The following APBA2 variants were observed in gnomAD, a reference collection of about 807,000 sequenced individuals.
The protein encoded by APBA2 is amyloid-beta A4 precursor protein-binding family A member 2.
In APBA2, 30 loss-of-function variants were observed where a neutral mutation model predicts 75.0. The ratio of observed to expected loss-of-function variants is 0.40; its 90% CI spans 0.30 to 0.54. The LOEUF is 0.54. Among genes scored for constraint, APBA2 ranks in the 20% least tolerant of loss-of-function variants. The pLI, the probability that APBA2 is intolerant of heterozygous loss-of-function variation, is 0.49. For missense variants in APBA2, 801 were observed against 1,016.1 expected, an observed-to-expected ratio of 0.79 and a Z score of 2.88; for synonymous variants, 444 against 409.6, an observed-to-expected ratio of 1.08 and a Z score of -1.01.
At chr15:29,032,368 C>T (rs950814793) in intron 3 of APBA2, among the ~76,000 whole-genome samples, 1 of 152,212 alleles carries the variant, frequency 6.6e-6, no homozygotes, top group Admixed American at 6.5e-5. Context: ...AGACCAAAGG[C>T]TGAGGTTCCC....
intron 3 of APBA2, among the ~76,000 whole-genome samples, chr15:29,039,100 TGTGTG>T (rs2040895948): frequency 3.8e-5 from 1 of 25,996 alleles, no homozygotes; most frequent in African/African-American, 4.6e-4. Context: ...TATGTCAGGG[TGTGTG>T]TGTGTGTGTG....
intron 6 of APBA2, among the ~76,000 whole-genome samples, chr15:29,089,266 C>A (rs2043439271): frequency 6.6e-6 from 1 of 152,212 alleles, no homozygotes; most frequent in Non-Finnish European, 1.5e-5. Context: ...CCACGTGACC[C>A]ACTTAGATGG....
chr15:29,054,453 A>G lies in APBA2; in HGVS notation c.569A>G (p.Lys190Arg). Residue 190 changes from lysine to arginine, a missense_variant, in exon 4 of 15, where the codon AAA (lysine) becomes AGA (arginine). By Grantham distance (26) the Lys-to-Arg change is conservative. This residue lies in a region of APBA2 where 434 missense variants were observed against 471.6 expected (regional missense o/e 0.92). Transcript: ENST00000683413. This position sits in a 1 kb window ranked among gnomAD's most constrained non-coding sequence, Gnocchi z 6.1. ...GAAGATGGTCACTACTGTGCCAGCA[A>G]AGAGGGCTACCAGGACTACTACCCC... ...QEEDGHYCAS[K>R]EGYQDYYPEE... is the part of the protein sequence containing the mutation. The G allele has an allele frequency of 6.2e-7, 1 of 1,614,136 alleles. No homozygotes were observed. The highest frequency in any genetic ancestry group is 8.5e-7 in the Non-Finnish European group (1 of 1,180,024).
chr15:29,010,324 T>A (rs1325684060), intron 3 of APBA2, among the ~76,000 whole-genome samples: 1 of 152,194 alleles, frequency 6.6e-6, no homozygotes, highest in Non-Finnish European at 1.5e-5. Flanking sequence ...AGTGGTGCGA[T>A]CTCAGCTCAC....
intron 2 of APBA2, among the ~76,000 whole-genome samples, chr15:28,974,333 C>T (rs935902799): frequency 1.8e-4 from 27 of 152,180 alleles, no homozygotes; most frequent in East Asian, 1.7e-3. Flanking sequence ...AGAACCTCTA[C>T]GATGCGGAAA....
At chr15:28,999,146 CA>C (rs35437952) in intron 3 of APBA2, among the ~76,000 whole-genome samples, 3 of 99,430 alleles carry the variant, frequency 3.0e-5, no homozygotes, top group Non-Finnish European at 4.1e-5. Flanking sequence ...GACTCCATCT[CA>C]AAAAAAAAGA....
rs879725995 is a variant in APBA2, at chr15:29,117,984, C to T, written c.*851C>T. 5 of 152,534 alleles carry T rather than the reference C, an allele frequency of 3.3e-5. No individual in the cohort carries two copies. Among genetic ancestry groups the T allele is most frequent in the Non-Finnish European group, 5.9e-5 (4 of 68,132 alleles). The allele number at this position is 152,534 out of a possible 1,614,324, so 9.4% of individuals were successfully genotyped here. A position where few individuals can be genotyped will look rare whatever the true frequency, so the allele number is the denominator to read the frequency against. On this transcript the variant is annotated 3_prime_UTR_variant, in exon 15 of 15. Transcript: ENST00000683413. ...GAAACGAAACCCACTCTAGAAAACG[C>T]GACCTTGGCCGCACCTAAAGCAGCC...
At chr15:29,008,932 C>T (rs1471684198) in intron 3 of APBA2, among the ~76,000 whole-genome samples, 6 of 152,120 alleles carry the variant, frequency 3.9e-5, no homozygotes, top group African/African-American at 1.4e-4. Flanking sequence ...GGAAGCTGTT[C>T]TCTAGTGTGA....
intron 6 of APBA2, among the ~76,000 whole-genome samples, chr15:29,092,392 C>T (rs1249577757): frequency 6.6e-6 from 1 of 152,134 alleles, no homozygotes; most frequent in African/African-American, 2.4e-5. Flanking sequence ...AAATTACATA[C>T]AAGAAATGGG....
chr15:29,069,159 G>T (rs1177646835), intron 4 of APBA2, among the ~76,000 whole-genome samples: 2 of 152,138 alleles, frequency 1.3e-5, no homozygotes, highest in Non-Finnish European at 2.9e-5. Flanking sequence ...TGTTTTCAGG[G>T]TTCATCCCTG....
intron 1 of APBA2, among the ~76,000 whole-genome samples, chr15:28,886,732 C>T (rs1485121838): frequency 6.6e-6 from 1 of 152,300 alleles, no homozygotes; most frequent in Non-Finnish European, 1.5e-5. Context: ...CCCAGAGAAC[C>T]CAAGCCCAGA....
intron 4 of APBA2, chr15:29,070,829 TC>T (rs1187666939): frequency 3.4e-6 from 1 of 293,664 alleles, no homozygotes; most frequent in East Asian, 9.6e-5. Context: ...TGTTGAAATA[TC>T]AGATGAGTAG....
chr15:28,922,742 C>T (rs2034041160), intron 2 of APBA2, among the ~76,000 whole-genome samples: 1 of 152,218 alleles, frequency 6.6e-6, no homozygotes, highest in African/African-American at 2.4e-5. Flanking sequence ...CACACCCTCT[C>T]TCAGGAGACA....
intron 3 of APBA2, among the ~76,000 whole-genome samples, chr15:28,996,232 G>A (rs1378035137): frequency 2.6e-5 from 4 of 152,136 alleles, no homozygotes; most frequent in Admixed American, 2.6e-4. Context: ...GGTAGCACTC[G>A]AACCTTTCAC....
intron 8 of APBA2, among the ~76,000 whole-genome samples, chr15:29,095,471 G>A (rs1258577131): frequency 6.6e-6 from 1 of 152,180 alleles, no homozygotes; most frequent in Non-Finnish European, 1.5e-5. Context: ...TCATTTGTTT[G>A]TCACCTGGTC....
chr15:29,028,659 G>A (rs1048450802), intron 3 of APBA2, among the ~76,000 whole-genome samples: 16 of 152,158 alleles, frequency 1.1e-4, no homozygotes, highest in Admixed American at 3.9e-4. Context: ...CCGAAACCTC[G>A]CCAGCATTTG....
intron 3 of APBA2, among the ~76,000 whole-genome samples, chr15:29,002,516 C>T (rs965460451): frequency 6.6e-5 from 10 of 151,736 alleles, no homozygotes; most frequent in African/African-American, 2.4e-4. Context: ...ATAAGAAACC[C>T]TCATTACAAG....
intron 1 of APBA2, among the ~76,000 whole-genome samples, chr15:28,911,503 G>A (rs1398600559): frequency 6.6e-6 from 1 of 152,312 alleles, no homozygotes. Flanking sequence ...CTCTTCAGGG[G>A]TTGTGGAGGG....
At chr15:29,090,500 A>G (rs57614963) in intron 6 of APBA2, among the ~76,000 whole-genome samples, 18,972 of 152,260 alleles carry the variant, frequency 0.12, 3,358 homozygotes, top group African/African-American at 0.39. Context: ...GGCAGTGCCT[A>G]GAAAGGTAGG....
Sources: allele counts gnomAD v4.1 joint callset (sites outside exome capture counted in the v4.1 genomes callset), GRCh38; gene constraint gnomAD v4.1.1; regional missense constraint gnomAD v4.1.1; non-coding constraint Gnocchi (gnomAD v3.1); transcripts MANE v1.5; gene names NCBI Gene and HGNC (gene_info 2026-07-23, HGNC 2026-07-21).